Variants in MRPL1 observed in about 807,000 individuals in gnomAD.
The protein encoded by MRPL1 is large ribosomal subunit protein uL1m.
A neutral mutation model predicts 38.0 loss-of-function variants in MRPL1; 28 were observed. The ratio of observed to expected loss-of-function variants is 0.74; its 90% CI spans 0.55 to 1.01. The LOEUF (loss-of-function observed/expected upper bound fraction) is 1.01. Among genes scored for constraint, MRPL1 ranks in the 50% least tolerant of loss-of-function variants. MRPL1 has a pLI of 0.00. For missense variants in MRPL1, 358 were observed against 389.8 expected, an observed-to-expected ratio of 0.92 and a Z score of 0.69; for synonymous variants, 123 against 126.7, an observed-to-expected ratio of 0.97 and a Z score of 0.20.
intron 7 of MRPL1, among the ~76,000 whole-genome samples, chr4:77,936,121 A>T (rs1288193841): frequency 1.3e-5 from 2 of 152,004 alleles, no homozygotes; most frequent in Non-Finnish European, 2.9e-5. Context: ...TCCTGTAATC[A>T]TTCACCATTT....
At chr4:77,863,008 C>G in intron 1 of MRPL1, 129 bp downstream of exon 1, 1 of 1,170,892 alleles carries the variant, frequency 8.5e-7, no homozygotes, top group Non-Finnish European at 1.3e-6. Flanking sequence ...CTAGGTTTTT[C>G]AGAGGGTGGG....
At chr4:77,940,722 A>G (rs967655830) in intron 7 of MRPL1, among the ~76,000 whole-genome samples, 1 of 152,136 alleles carries the variant, frequency 6.6e-6, no homozygotes, top group African/African-American at 2.4e-5. Context: ...TGTCCCATCT[A>G]TGCTGATTTT....
intron 7 of MRPL1, among the ~76,000 whole-genome samples, chr4:77,933,786 A>G (rs929711767): frequency 1.3e-5 from 2 of 152,238 alleles, no homozygotes; most frequent in Non-Finnish European, 2.9e-5. Context: ...AAAGTAGTAC[A>G]GCCACTGTGG....
At chr4:77,864,326 C>T (rs1735078547) in intron 1 of MRPL1, among the ~76,000 whole-genome samples, 1 of 152,110 alleles carries the variant, frequency 6.6e-6, no homozygotes, top group Admixed American at 6.6e-5. Context: ...TGGCTGGTTC[C>T]TCTTCCTCTC....
In MRPL1 at chr4:77,885,262, G is replaced by T. The variant is rs773663338; in HGVS notation, c.409G>T (p.Val137Leu). 1.2e-6 allele frequency: 2 copies of T among 1,612,064 alleles called. No individual in the cohort carries two copies. Among genetic ancestry groups the T allele is most frequent in the Non-Finnish European group, 1.7e-6 (2 of 1,178,278 alleles). The stretch of plus-strand genomic sequence containing the variant: ...TTCCTTGTCATGTGTTTAGAAAAAC[G>T]TGGAGCCATTTACCAGTGTTCTTAG... ...LDMALGKKKNVEPFTSVLSLP... is the reference protein window; with the variant it reads ...LDMALGKKKNLEPFTSVLSLP... The change falls in exon 4 of 9, where the codon GTG becomes TTG. Residue 137 changes from valine to leucine, a missense_variant. Physicochemically the swap from Val to Leu is conservative, Grantham distance 32. Coordinates refer to ENST00000315567, the MANE Select transcript of MRPL1 (RefSeq NM_020236.4).
At chr4:77,866,749 C>CTT (rs199562168) in intron 1 of MRPL1, among the ~76,000 whole-genome samples, 8 of 144,802 alleles carry the variant, frequency 5.5e-5, no homozygotes, top group Admixed American at 1.4e-4. Flanking sequence ...TATCACCCCC[C>CTT]TTTTTTTTTT....
chr4:77,896,890 T>A (rs1735928328), intron 6 of MRPL1, among the ~76,000 whole-genome samples: 1 of 152,232 alleles, frequency 6.6e-6, no homozygotes, highest in South Asian at 2.1e-4. Context: ...CCTGTTTTTT[T>A]AAATTCCTTC....
intron 7 of MRPL1, among the ~76,000 whole-genome samples, chr4:77,911,583 T>C (rs535969492): frequency 1.3e-5 from 2 of 152,250 alleles, no homozygotes; most frequent in South Asian, 4.1e-4. Flanking sequence ...ACCCCCTTGC[T>C]CTCTGAGCCT....
intron 7 of MRPL1, among the ~76,000 whole-genome samples, chr4:77,918,166 TAGG>T (rs1385228623): frequency 2.6e-5 from 4 of 152,132 alleles, no homozygotes; most frequent in Non-Finnish European, 4.4e-5. Flanking sequence ...GGATGGGTTC[TAGG>T]AGGAGTTCGA....
At chr4:77,881,433 T>C (rs992716205) in intron 2 of MRPL1, among the ~76,000 whole-genome samples, 7 of 151,494 alleles carry the variant, frequency 4.6e-5, no homozygotes, top group African/African-American at 1.7e-4. Flanking sequence ...TTTCCCATCT[T>C]CAATATTTAC....
chr4:77,947,934 G>A (rs143108968), intron 7 of MRPL1, among the ~76,000 whole-genome samples: 24 of 152,122 alleles, frequency 1.6e-4, no homozygotes, highest in Non-Finnish European at 3.1e-4. Flanking sequence ...CATTTTTGTG[G>A]TTTTTTTAAA....
At chr4:77,931,780 G>A (rs1736851456) in intron 7 of MRPL1, among the ~76,000 whole-genome samples, 1 of 152,188 alleles carries the variant, frequency 6.6e-6, no homozygotes, top group African/African-American at 2.4e-5. Context: ...CTGAATGTGA[G>A]TCTGCGCACT....
chr4:77,873,297 G>A (rs914351359), intron 2 of MRPL1, among the ~76,000 whole-genome samples: 54 of 152,262 alleles, frequency 3.5e-4, no homozygotes, highest in African/African-American at 1.3e-3. Context: ...TAAGTAATAC[G>A]TTCAAAGTTA....
At chr4:77,942,861 G>A (rs558790622) in intron 7 of MRPL1, among the ~76,000 whole-genome samples, 1 of 152,170 alleles carries the variant, frequency 6.6e-6, no homozygotes, top group Admixed American at 6.5e-5. Flanking sequence ...AGAGCATTTA[G>A]GCCACTTACA....
At position 77,868,515 on chromosome 4, in the gene MRPL1, A is replaced by G. The variant is rs750648069; in HGVS notation, c.32-3229A>G. Among the ~76,000 whole-genome samples the G allele has an allele frequency of 9.0e-4, 137 of 152,304 alleles. 2 individuals carry two copies. The highest frequency in any genetic ancestry group is 7.2e-4 in the Non-Finnish European group (49 of 68,024). On this transcript the variant is annotated intron_variant, in intron 1 of 8. Transcript: ENST00000315567. ...CTCAACCTCCCAAAGTGCTGGGATT[A>G]CCGGCATGAGCCACCACGCCCGACC...
Position 77,952,533 on chromosome 4 carries a change from G to T in MRPL1, c.904G>T (p.Gly302Cys). The T allele has an allele frequency of 6.2e-7, 1 of 1,613,124 alleles. No individual in the cohort carries two copies. The highest frequency in any genetic ancestry group is 8.5e-7 in the Non-Finnish European group (1 of 1,179,702). The change falls in exon 9 of 9, where the codon GGT becomes TGT. Residue 302 changes from glycine (G) to cysteine (C), a missense_variant. Physicochemically the swap from Gly to Cys is radical, Grantham distance 159. Transcript: ENST00000315567. ...RAFLRSSTSE[G>C]LLLKIDPLLP... ...TTTCCTTCGTAGTTCAACAAGTGAA[G>T]GTTTATTACTGAAGATTGATCCATT...
intron 7 of MRPL1, among the ~76,000 whole-genome samples, chr4:77,910,452 C>T (rs571489208): frequency 8.4e-4 from 128 of 152,272 alleles, no homozygotes; most frequent in Admixed American, 4.3e-3. Flanking sequence ...GCCTAGGCAA[C>T]GTGGTGAAAC....
At chr4:77,945,058 A>T (rs1447609117) in intron 7 of MRPL1, among the ~76,000 whole-genome samples, 1 of 149,632 alleles carries the variant, frequency 6.7e-6, no homozygotes, top group Admixed American at 6.7e-5. Context: ...GGAGAAATGA[A>T]TAAGAATATC....
intron 7 of MRPL1, among the ~76,000 whole-genome samples, chr4:77,921,523 A>C (rs1184427011): frequency 2.6e-5 from 4 of 152,150 alleles, no homozygotes; most frequent in Non-Finnish European, 5.9e-5. Context: ...AAAGGCTCTG[A>C]GAAAAAAAGG....
Sources: allele counts gnomAD v4.1 joint callset (sites outside exome capture counted in the v4.1 genomes callset), GRCh38; gene constraint gnomAD v4.1.1; transcripts MANE v1.5; gene names NCBI Gene and HGNC (gene_info 2026-07-23, HGNC 2026-07-21).